Variants in BPTF observed in about 807,000 individuals in gnomAD.
BPTF encodes the protein bromodomain PHD finger transcription factor.
Under a neutral mutation model 292.5 loss-of-function variants are expected in BPTF, and 18 were observed. That is an observed-to-expected ratio of 0.06 (90% CI 0.04 to 0.09). BPTF has a LOEUF of 0.09. BPTF is among the 10% of genes least tolerant of loss of function. The pLI is 1.00. For synonymous variants in BPTF, 1,225 were observed against 1,251.9 expected (o/e 0.98, Z 0.45); for missense variants, 2,726 against 3,498.7 (o/e 0.78, Z 5.57).
chr17:67,922,508 C>T (rs928556982), intron 13 of BPTF, among the ~76,000 whole-genome samples: 4 of 152,026 alleles, frequency 2.6e-5, no homozygotes, highest in Non-Finnish European at 2.9e-5. Context: ...GTCAGATGAG[C>T]GGTGGAGGCT....
Position 67,826,069 on chromosome 17 carries a change from C to T in BPTF, c.345C>T (p.Thr115=). Reference sequence around the variant, plus strand: ...GCGGCGGCCACCTGGCCCGGACCACCGCGGCCCGGAGGGCCGTCAACAAAG... The same window carrying T: ...GCGGCGGCCACCTGGCCCGGACCACTGCGGCCCGGAGGGCCGTCAACAAAG... ...GGGGGHLART[T]AARRAVNKVV... The change falls in exon 1 of 28, where the codon ACC becomes ACT. Residue 115 remains threonine, a synonymous_variant. Transcript: ENST00000306378. 2 of 1,289,048 alleles carry T rather than the reference C, an allele frequency of 1.6e-6. No individual in the cohort carries two copies. Among genetic ancestry groups the T allele is most frequent in the Non-Finnish European group, 2.1e-6 (2 of 955,568 alleles). The allele number at this position is 1,289,048 out of a possible 1,614,324, so 79.9% of individuals were successfully genotyped here. A position where few individuals can be genotyped will look rare whatever the true frequency, so the allele number is the denominator to read the frequency against.
At chr17:67,886,272 G>A in intron 4 of BPTF, 1 of 1,613,982 alleles carries the variant, frequency 6.2e-7, no homozygotes, top group East Asian at 2.2e-5. Context: ...CCTGAAAATG[G>A]AGAAAGAGAA....
intron 2 of BPTF, among the ~76,000 whole-genome samples, chr17:67,861,194 T>G (rs562939985): frequency 3.9e-5 from 6 of 152,228 alleles, no homozygotes; most frequent in Non-Finnish European, 8.8e-5. Flanking sequence ...TCCTTTATTG[T>G]TTGCTATGCC....
At position 67,906,075 on chromosome 17, in the gene BPTF, G is replaced by T. The variant is rs140504721; in HGVS notation, c.2812+1235G>T. 2.1e-3 allele frequency among the ~76,000 whole-genome samples: 315 copies of T among 151,896 alleles called. 3 individuals are homozygous for T. Among genetic ancestry groups the T allele is most frequent in the African/African-American group, 7.3e-3 (303 of 41,460 alleles). ...TAAAAAAATAATGAGGTTTTTTTTG[G>T]GGGGAGGGGTTGTTTTTGTTTTTTT... On this transcript the variant is annotated intron_variant, in intron 9 of 27. Transcript: ENST00000306378.
chr17:67,859,388 C>T (rs889958779), intron 2 of BPTF, among the ~76,000 whole-genome samples: 3 of 152,174 alleles, frequency 2.0e-5, no homozygotes, highest in African/African-American at 7.2e-5. Flanking sequence ...TCAGGCAATC[C>T]TTTCACTTCA....
intron 27 of BPTF, among the ~76,000 whole-genome samples, chr17:67,979,913 G>T (rs1302355382): frequency 6.6e-6 from 1 of 151,816 alleles, no homozygotes; most frequent in Non-Finnish European, 1.5e-5. Context: ...GGTGGTGCAC[G>T]CTTATAAGTC....
At chr17:67,870,213 G>T (rs2059637348) in intron 3 of BPTF, among the ~76,000 whole-genome samples, 1 of 151,402 alleles carries the variant, frequency 6.6e-6, no homozygotes, top group Admixed American at 6.6e-5. Context: ...GGATTTAATG[G>T]TGAGATCTGG....
intron 7 of BPTF, among the ~76,000 whole-genome samples, chr17:67,901,711 C>T (rs1257522520): frequency 2.6e-5 from 4 of 152,222 alleles, no homozygotes; most frequent in African/African-American, 7.2e-5. Flanking sequence ...TTTTTTACCT[C>T]TGAGTTTGAC....
intron 4 of BPTF, among the ~76,000 whole-genome samples, chr17:67,878,859 A>T (rs1048946326): frequency 6.6e-6 from 1 of 152,154 alleles, no homozygotes; most frequent in African/African-American, 2.4e-5. Flanking sequence ...TCTACACTGA[A>T]TTTTGAATGT....
At chr17:67,977,440 G>T (rs1222403768) in intron 27 of BPTF, among the ~76,000 whole-genome samples, 1 of 151,974 alleles carries the variant, frequency 6.6e-6, no homozygotes, top group Non-Finnish European at 1.5e-5. Context: ...GCTTGAACCC[G>T]GGAGGCACAG....
intron 12 of BPTF, 32 bp from the exon 13 acceptor site, chr17:67,919,983 G>A: frequency 6.3e-7 from 1 of 1,582,598 alleles, no homozygotes; most frequent in Non-Finnish European, 8.6e-7. Context: ...ATTTCAGTTG[G>A]TTATTAATAC....
chr17:67,961,495 A>G (rs2067482407), intron 24 of BPTF, among the ~76,000 whole-genome samples: 1 of 152,272 alleles, frequency 6.6e-6, no homozygotes, highest in Non-Finnish European at 1.5e-5. Context: ...GATAACACAC[A>G]AACTATCTCA....
At chr17:67,981,183 T>G (rs1376220419) in intron 27 of BPTF, among the ~76,000 whole-genome samples, 1 of 152,136 alleles carries the variant, frequency 6.6e-6, no homozygotes, top group Non-Finnish European at 1.5e-5. Context: ...CAAAACAAAA[T>G]TACAATGTAA....
intron 1 of BPTF, among the ~76,000 whole-genome samples, chr17:67,839,896 C>A (rs1183848379): frequency 6.6e-6 from 1 of 152,066 alleles, no homozygotes; most frequent in Admixed American, 6.6e-5. Context: ...TTCTTACCTG[C>A]AAGTGTATGA....
chr17:67,862,207 C>T (rs2059126460), intron 2 of BPTF, among the ~76,000 whole-genome samples: 1 of 152,154 alleles, frequency 6.6e-6, no homozygotes, highest in African/African-American at 2.4e-5. Flanking sequence ...GACTCCCGAC[C>T]TCAGGTAATC....
chr17:67,899,398 A>G (rs1404764686), intron 7 of BPTF, among the ~76,000 whole-genome samples: 2 of 152,198 alleles, frequency 1.3e-5, no homozygotes, highest in African/African-American at 2.4e-5. Flanking sequence ...TCACCAAAAG[A>G]GGTCTGTAAA....
At chr17:67,953,925 T>C (rs1281643462) in intron 23 of BPTF, among the ~76,000 whole-genome samples, 2 of 151,268 alleles carry the variant, frequency 1.3e-5, no homozygotes, top group Non-Finnish European at 2.9e-5. Context: ...ATTGATTTTA[T>C]TGGCTTTTTT....
intron 23 of BPTF, among the ~76,000 whole-genome samples, chr17:67,948,832 GAAA>G (rs1487181554): frequency 6.6e-6 from 1 of 152,068 alleles, no homozygotes; most frequent in African/African-American, 2.4e-5. Flanking sequence ...TACACAAAAT[GAAA>G]AAGTTAGCCA....
intron 18 of BPTF, among the ~76,000 whole-genome samples, chr17:67,935,258 T>C (rs960104714): frequency 6.6e-6 from 1 of 151,966 alleles, no homozygotes; most frequent in African/African-American, 2.4e-5. Flanking sequence ...CCCCCATCTC[T>C]ACAAAAAATT....
Sources: allele counts gnomAD v4.1 joint callset (sites outside exome capture counted in the v4.1 genomes callset), GRCh38; gene constraint gnomAD v4.1.1; transcripts MANE v1.5; gene names NCBI Gene and HGNC (gene_info 2026-07-23, HGNC 2026-07-21).